INTS7: variants seen among roughly 807,000 people sequenced by gnomAD.
INTS7 encodes the protein integrator complex subunit 7, also known as chromosome 1 open reading frame 73.
A neutral mutation model predicts 109.2 loss-of-function variants in INTS7; 46 were observed. The observed-to-expected ratio is 0.42, with a 90% CI of 0.33 to 0.54. The LOEUF (loss-of-function observed/expected upper bound fraction) is 0.54, where lower values mean the gene tolerates loss of function less well. Ranked by LOEUF, INTS7 falls within the 20% of genes least tolerant of loss-of-function variation. The probability of loss-of-function intolerance (pLI) is 0.07; values close to 1 mark genes in which losing one functional copy is unlikely to be tolerated. For missense variants in INTS7, 929 were observed against 1,132.4 expected (o/e 0.82, Z 2.58); for synonymous variants, 412 against 402.9 (o/e 1.02, Z -0.27).
intron 7 of INTS7, among the ~76,000 whole-genome samples, chr1:212,003,084 T>A (rs1326578820): frequency 6.6e-6 from 1 of 151,292 alleles, no homozygotes; most frequent in East Asian, 1.9e-4. Flanking sequence ...GGGAGAAGGG[T>A]TATCATACAT....
chr1:212,014,105 A>T (rs1377931428), intron 4 of INTS7, among the ~76,000 whole-genome samples: 3 of 152,180 alleles, frequency 2.0e-5, no homozygotes, highest in African/African-American at 7.2e-5. Flanking sequence ...GTGAAATTAA[A>T]AATTATATGC....
chr1:212,014,251 G>A (rs139759156), intron 4 of INTS7, among the ~76,000 whole-genome samples: 4,012 of 152,170 alleles, frequency 0.026, 77 homozygotes, highest in Non-Finnish European at 0.038. Flanking sequence ...GATCACCTGA[G>A]GTCAGGAGTT....
intron 1 of INTS7, among the ~76,000 whole-genome samples, chr1:212,033,317 C>T (rs889325731): frequency 2.0e-5 from 3 of 152,166 alleles, no homozygotes; most frequent in Non-Finnish European, 4.4e-5. Flanking sequence ...ACGAAACTGG[C>T]TATTTCTATA....
rs934224253 is a variant in INTS7, at chr1:212,020,708, A to G, written c.224+375T>C. 3 of 1,010,978 alleles carry G rather than the reference A, an allele frequency of 3.0e-6. No homozygotes were observed. The African/African-American group carries it at 5.2e-5, about 17-fold the overall frequency. 62.6% of individuals were successfully genotyped at this position (1,010,978 alleles called of 1,614,324 possible). On this transcript the variant is annotated intron_variant, in intron 2 of 19. Transcript: ENST00000366994. ...GGGGAGAAAAAGCAAATAGGCATGT[A>G]TTCAGTGCTTACATGTTTCAGGTAC...
Position 211,976,731 on chromosome 1 carries a change from C to G in INTS7, c.1471-12G>C. 2 of 1,613,272 alleles carry G rather than the reference C, an allele frequency of 1.2e-6. No homozygotes were observed. The highest frequency in any genetic ancestry group is 1.7e-6 in the Non-Finnish European group (2 of 1,179,446). On this transcript the variant is annotated splice_polypyrimidine_tract_variant and intron_variant, in intron 11 of 19. Coordinates refer to ENST00000366994, the MANE Select transcript of INTS7 (RefSeq NM_015434.4). ...GTAGCCAAACTCACCTAACATTGGG[C>G]AAGAAGAAAACCAAGAAAATCATTT...
intron 8 of INTS7, among the ~76,000 whole-genome samples, chr1:211,983,982 A>G (rs558028207): frequency 6.6e-6 from 1 of 151,948 alleles, no homozygotes; most frequent in East Asian, 1.9e-4. Context: ...CTCCCACCTC[A>G]GCTTCCAAGT....
chr1:212,032,965 T>C (rs1667239403), intron 1 of INTS7, among the ~76,000 whole-genome samples: 2 of 152,210 alleles, frequency 1.3e-5, no homozygotes, highest in Admixed American at 6.5e-5. Flanking sequence ...CCAGTCCCTT[T>C]CATTGCTTCA....
intron 7 of INTS7, among the ~76,000 whole-genome samples, chr1:211,994,450 T>A (rs60875991): frequency 0.077 from 10,236 of 133,116 alleles, 606 homozygotes; most frequent in African/African-American, 0.17. Context: ...TGAGATGGAG[T>A]GTTGCTTTTG....
rs143103334 is a variant in INTS7 at position 211,984,659 on chromosome 1, A to T, written c.998-1849T>A. ...AAACTCACAAGGCTTACAAGGTACA[A>T]CAAAGAGTAGAAAATGGTAAAAGGC... On this transcript the variant is annotated intron_variant, in intron 8 of 19. Transcript: ENST00000366994. 8.5e-3 allele frequency among the ~76,000 whole-genome samples: 1,302 copies of T among 152,288 alleles called. 62 individuals carry two copies. Among genetic ancestry groups the T allele is most frequent in the Admixed American group, 0.076 (1,168 of 15,296 alleles).
At chr1:211,974,276 A>ATAT (rs1553249482) in intron 13 of INTS7, among the ~76,000 whole-genome samples, 325 of 92,332 alleles carry the variant, frequency 3.5e-3, no homozygotes, top group Non-Finnish European at 4.5e-3. Context: ...AGAAAAAAAA[A>ATAT]ATATATATAT....
Position 211,981,101 on chromosome 1 carries a change from T to C in INTS7, c.1222A>G (p.Thr408Ala), listed in dbSNP as rs780205631. 1 of 1,606,178 alleles carries C rather than the reference T, an allele frequency of 6.2e-7. No homozygotes were observed. The change falls in exon 10 of 20, where the codon ACT becomes GCT. Residue 408 changes from threonine (T) to alanine (A), a missense_variant. Transcript: ENST00000366994. ...TAAATAAAAGTTTTCACCTTTAAAG[T>C]GGCCTGAGCACCTGGACTATCATCT... ...SQDDSPGAQATLKIALNCMVK... is the reference protein window; with the variant it reads ...SQDDSPGAQAALKIALNCMVK...
chr1:211,995,968 T>C (rs1311664820), intron 7 of INTS7, among the ~76,000 whole-genome samples: 1 of 152,202 alleles, frequency 6.6e-6, no homozygotes, highest in Admixed American at 6.5e-5. Flanking sequence ...GGTTATGGTA[T>C]TGCTACAGCA....
chr1:212,017,164 T>C (rs113420709), intron 3 of INTS7, 141 bp from the exon 4 acceptor site: 5 of 568,752 alleles, frequency 8.8e-6, no homozygotes, highest in African/African-American at 2.0e-5. Flanking sequence ...AGCATAACTT[T>C]AGAAATCCAT....
chr1:212,016,554 T>C (rs527874564), intron 4 of INTS7, among the ~76,000 whole-genome samples: 36 of 152,340 alleles, frequency 2.4e-4, no homozygotes, highest in South Asian at 1.4e-3. Flanking sequence ...GTAAGCAATT[T>C]AGTATTACAG....
intron 7 of INTS7, among the ~76,000 whole-genome samples, chr1:211,999,184 T>C (rs552972381): frequency 2.6e-5 from 4 of 152,382 alleles, no homozygotes; most frequent in African/African-American, 7.2e-5. Flanking sequence ...ATTGCAGCTT[T>C]ATTCATAATG....
intron 16 of INTS7, among the ~76,000 whole-genome samples, chr1:211,962,260 TAAAAAAAA>T (rs35134976): frequency 1.3e-5 from 1 of 79,330 alleles, no homozygotes; most frequent in Admixed American, 1.4e-4. Flanking sequence ...CAACAAAGAT[TAAAAAAAA>T]AAAAAAAAAA....
At chr1:211,987,318 CA>C (rs546307726) in intron 8 of INTS7, among the ~76,000 whole-genome samples, 2 of 150,462 alleles carry the variant, frequency 1.3e-5, no homozygotes, top group Admixed American at 6.6e-5. Flanking sequence ...ACAACAACAA[CA>C]AAAAAAAACC....
At chr1:211,961,450 G>A (rs1249051067) in intron 16 of INTS7, among the ~76,000 whole-genome samples, 1 of 149,978 alleles carries the variant, frequency 6.7e-6, no homozygotes, top group Non-Finnish European at 1.5e-5. Context: ...TTTTTCCTGA[G>A]ATGGAGTCTT....
In INTS7 at chr1:211,942,228, A is replaced by G; in HGVS notation, c.2602-117T>C. 9.3e-7 allele frequency: 1 copy of G among 1,071,750 alleles called. No individual in the cohort carries two copies. Among genetic ancestry groups the G allele is most frequent in the Non-Finnish European group, 1.4e-6 (1 of 735,274 alleles). 66.4% of individuals were successfully genotyped at this position (1,071,750 alleles called of 1,614,324 possible). ...CCATGCAGACAATAAAAAATTAGGT[A>G]CTGCTATCATCCTTGCTTCACCGAT... On this transcript the variant is annotated intron_variant, in intron 19 of 19. Transcript: ENST00000366994. This position sits in a 1 kb window ranked among gnomAD's most constrained non-coding sequence, Gnocchi z 4.2.
Sources: gnomAD v4.1 joint callset for allele counts (sites outside exome capture counted in the v4.1 genomes callset) on GRCh38, gnomAD v4.1.1 for gene constraint, Gnocchi (gnomAD v3.1) non-coding constraint, MANE v1.5 for transcripts, NCBI Gene and HGNC (gene_info 2026-07-23, HGNC 2026-07-21) for gene names.